Variants in TAFA4 observed in about 807,000 individuals in gnomAD.
The protein encoded by TAFA4 is chemokine-like protein TAFA-4.
A neutral mutation model predicts 21.1 loss-of-function variants in TAFA4; 20 were observed. The ratio of observed to expected loss-of-function variants is 0.95; its 90% CI spans 0.67 to 1.38. The LOEUF (loss-of-function observed/expected upper bound fraction) is 1.38. TAFA4 is among the 40% of genes most tolerant of loss of function. The pLI, the probability that TAFA4 is intolerant of heterozygous loss-of-function variation, is 0.00. For synonymous variants in TAFA4, 71 were observed against 67.4 expected, an observed-to-expected ratio of 1.05 and a Z score of -0.26; for missense variants, 211 against 180.9, an observed-to-expected ratio of 1.17 and a Z score of -0.95.
chr3:68,833,503 C>T (rs886250260), intron 3 of TAFA4, among the ~76,000 whole-genome samples: 6 of 151,890 alleles, frequency 4.0e-5, no homozygotes, highest in South Asian at 4.2e-4. Flanking sequence ...AATAAAAGGA[C>T]CAATATAAAG....
chr3:68,763,955 A>G (rs1256752481), intron 3 of TAFA4, among the ~76,000 whole-genome samples: 1 of 152,034 alleles, frequency 6.6e-6, no homozygotes, highest in Non-Finnish European at 1.5e-5. Flanking sequence ...TAAATAAATA[A>G]CATATACTTT....
intron 3 of TAFA4, among the ~76,000 whole-genome samples, chr3:68,876,063 T>G (rs2089546244): frequency 6.6e-6 from 1 of 152,142 alleles, no homozygotes; most frequent in Admixed American, 6.5e-5. Context: ...AAAAGCAACA[T>G]TAAGACCTAA....
chr3:68,916,506 A>G (rs1355063172), intron 1 of TAFA4, among the ~76,000 whole-genome samples: 1 of 152,208 alleles, frequency 6.6e-6, no homozygotes. Flanking sequence ...AACTCGAAGT[A>G]TTCTGGATTT....
At chr3:68,830,325 A>G (rs1399435030) in intron 3 of TAFA4, among the ~76,000 whole-genome samples, 3 of 152,302 alleles carry the variant, frequency 2.0e-5, no homozygotes, top group East Asian at 3.9e-4. Flanking sequence ...GTGGGCATTT[A>G]GTGCTATAAA....
At chr3:68,920,374 T>G (rs2090046982) in intron 1 of TAFA4, among the ~76,000 whole-genome samples, 1 of 152,236 alleles carries the variant, frequency 6.6e-6, no homozygotes, top group African/African-American at 2.4e-5. Flanking sequence ...CACATTATAC[T>G]TTTTAAATAA....
intron 3 of TAFA4, among the ~76,000 whole-genome samples, chr3:68,852,593 G>C (rs970362234): frequency 6.6e-6 from 1 of 152,120 alleles, no homozygotes; most frequent in African/African-American, 2.4e-5. Flanking sequence ...CCCAGGGTAG[G>C]GGGTGTAATT....
chr3:68,923,384 C>A (rs139787139), intron 1 of TAFA4, among the ~76,000 whole-genome samples: 3 of 152,268 alleles, frequency 2.0e-5, no homozygotes, highest in East Asian at 1.9e-4. Flanking sequence ...AGGATGCCCA[C>A]GTCCTCTGCC....
chr3:68,815,230 A>T lies in TAFA4; in HGVS notation c.131-62212T>A, dbSNP rs996292830. 1.8e-4 allele frequency among the ~76,000 whole-genome samples: 28 copies of T among 152,322 alleles called. 1 individual carries two copies. The highest frequency in any genetic ancestry group is 5.5e-4 in the African/African-American group (23 of 41,578). ...AAAACCCTAGAAGAAAACCTAGGCA[A>T]TACCATTCAGGACATAGGCATGGGC... On this transcript the variant is annotated intron_variant, in intron 3 of 5. Coordinates refer to ENST00000295569, the MANE Select transcript of TAFA4 (RefSeq NM_182522.5).
chr3:68,876,369 A>G (rs945353547), intron 3 of TAFA4, among the ~76,000 whole-genome samples: 1 of 152,186 alleles, frequency 6.6e-6, no homozygotes, highest in Non-Finnish European at 1.5e-5. Context: ...TGTGTTAAGT[A>G]CAATTCATTT....
intron 1 of TAFA4, among the ~76,000 whole-genome samples, chr3:68,908,087 T>C (rs1385258316): frequency 1.3e-5 from 2 of 152,210 alleles, no homozygotes; most frequent in African/African-American, 2.4e-5. Flanking sequence ...TCTGACTAGG[T>C]TTTTCATATA....
chr3:68,737,334 T>C (rs555350853), intron 5 of TAFA4, among the ~76,000 whole-genome samples: 4 of 152,116 alleles, frequency 2.6e-5, no homozygotes, highest in South Asian at 2.1e-4. Flanking sequence ...TGAGTCTATA[T>C]AGCATGGAAA....
chr3:68,921,069 G>C (rs920500043), intron 1 of TAFA4, among the ~76,000 whole-genome samples: 1 of 152,092 alleles, frequency 6.6e-6, no homozygotes, highest in Non-Finnish European at 1.5e-5. Context: ...GTTGGGCAGA[G>C]ATGACCAATG....
chr3:68,735,340 G>C (rs1702219124), intron 5 of TAFA4, among the ~76,000 whole-genome samples: 1 of 152,046 alleles, frequency 6.6e-6, no homozygotes. Context: ...CAACAGGGAG[G>C]GAACCTGGGC....
At chr3:68,878,923 G>A (rs1319958598) in intron 3 of TAFA4, among the ~76,000 whole-genome samples, 3 of 151,996 alleles carry the variant, frequency 2.0e-5, no homozygotes, top group Admixed American at 6.6e-5. Flanking sequence ...CACACCTACC[G>A]TAACACCCAT....
chr3:68,862,851 A>G lies in TAFA4; in HGVS notation c.130+17879T>C, dbSNP rs1387140501. Among the ~76,000 whole-genome samples the G allele has an allele frequency of 3.1e-5, 4 of 129,366 alleles. No individual in the cohort carries two copies. In the South Asian group the frequency reaches 9.4e-4, roughly 30 times the overall value. 84.9% of individuals were successfully genotyped at this position (129,366 alleles called of 152,430 possible). On this transcript the variant is annotated intron_variant, in intron 3 of 5. Coordinates refer to ENST00000295569, the MANE Select transcript of TAFA4 (RefSeq NM_182522.5). Reference sequence around the variant, plus strand: ...TCATTCAGCCTCCAAGCTTAAAAGAATTTTCACACACACACACACACACAC... The same window carrying G: ...TCATTCAGCCTCCAAGCTTAAAAGAGTTTTCACACACACACACACACACAC...
intron 3 of TAFA4, among the ~76,000 whole-genome samples, chr3:68,769,939 C>T (rs1383617604): frequency 6.6e-6 from 1 of 152,096 alleles, no homozygotes; most frequent in Admixed American, 6.5e-5. Context: ...TCATACATGG[C>T]TTACACTAAC....
intron 4 of TAFA4, among the ~76,000 whole-genome samples, chr3:68,748,540 A>G (rs537035729): frequency 6.6e-6 from 1 of 152,322 alleles, no homozygotes; most frequent in Middle Eastern, 3.4e-3. Flanking sequence ...CAGGAGATCG[A>G]GACCATCCTG....
At chr3:68,828,424 G>A (rs1038610595) in intron 3 of TAFA4, among the ~76,000 whole-genome samples, 1 of 152,000 alleles carries the variant, frequency 6.6e-6, no homozygotes. Flanking sequence ...TAAGTCAGTG[G>A]TAGCTTGATG....
At chr3:68,852,163 G>A (rs2106910778) in intron 3 of TAFA4, among the ~76,000 whole-genome samples, 1 of 152,274 alleles carries the variant, frequency 6.6e-6, no homozygotes, top group South Asian at 2.1e-4. Context: ...ACTGACGGAG[G>A]CCAATACAGA....
Sources: allele counts gnomAD v4.1 joint callset (sites outside exome capture counted in the v4.1 genomes callset), GRCh38; gene constraint gnomAD v4.1.1; transcripts MANE v1.5; gene names NCBI Gene and HGNC (gene_info 2026-07-23, HGNC 2026-07-21).